WDPCP: variants seen among roughly 807,000 people sequenced by gnomAD.
WDPCP encodes the protein WD repeat containing planar cell polarity effector.
In WDPCP, 71 loss-of-function variants were observed where a neutral mutation model predicts 93.1. The ratio of observed to expected loss-of-function variants is 0.76; its 90% CI spans 0.63 to 0.93. The LOEUF is 0.93. Among genes scored for constraint, WDPCP ranks in the 40% least tolerant of loss-of-function variants. WDPCP has a pLI of 0.00. For missense variants in WDPCP, 844 were observed against 887.4 expected (o/e 0.95, Z 0.62); for synonymous variants, 315 against 315.0 (o/e 1.00, Z 0.00).
chr2:63,710,201 T>A (rs951147592), intron 2 of WDPCP, among the ~76,000 whole-genome samples: 4 of 152,192 alleles, frequency 2.6e-5, no homozygotes, highest in Non-Finnish European at 4.4e-5. Context: ...GGGGTGGCGA[T>A]GAGCAGCACT....
chr2:63,437,525 A>G lies in WDPCP; in HGVS notation c.529T>C (p.Ser177Pro). 6.3e-7 allele frequency: 1 copy of G among 1,596,176 alleles called. No homozygotes were observed. The highest frequency in any genetic ancestry group is 1.1e-5 in the South Asian group (1 of 87,450). ...CATAGTTTGTTTTGTGCCAAAAATG[A>G]TAAGATGATAAAACTGTCTGTGAGA... is the stretch of plus-strand genomic sequence containing the variant. ...ALLTDSFIIL[S>P]FLAQNKLCFI... is the part of the protein sequence containing the mutation. Residue 177 changes from serine to proline, a missense_variant, in exon 8 of 18, where the codon TCA becomes CCA. Coordinates refer to ENST00000272321, the MANE Select transcript of WDPCP (RefSeq NM_015910.7).
intron 3 of WDPCP, among the ~76,000 whole-genome samples, chr2:63,618,086 G>C (rs1709692627): frequency 6.6e-6 from 1 of 152,034 alleles, no homozygotes; most frequent in African/African-American, 2.4e-5. Context: ...CTAAATCCTT[G>C]AGGATTAAGA....
At chr2:63,237,368 T>C (rs1249629761) in intron 14 of WDPCP, among the ~76,000 whole-genome samples, 1 of 152,164 alleles carries the variant, frequency 6.6e-6, no homozygotes, top group Non-Finnish European at 1.5e-5. Flanking sequence ...GGAATGCTTA[T>C]ACACTGTTGG....
At chr2:63,582,001 A>G (rs940905465) in intron 1 of WDPCP, among the ~76,000 whole-genome samples, 3 of 152,070 alleles carry the variant, frequency 2.0e-5, no homozygotes, top group African/African-American at 7.2e-5. Context: ...TCTTAAAAAA[A>G]AAAAAAAAGA....
At chr2:63,535,880 AGAG>A (rs1704237657) in intron 1 of WDPCP, among the ~76,000 whole-genome samples, 2 of 152,256 alleles carry the variant, frequency 1.3e-5, no homozygotes, top group African/African-American at 4.8e-5. Flanking sequence ...ATTAAACTAA[AGAG>A]CTTCTGCACA....
At chr2:63,440,055 G>T in intron 6 of WDPCP, 184 bp from the exon 7 acceptor site, 1 of 578,134 alleles carries the variant, frequency 1.7e-6, no homozygotes. Flanking sequence ...GAGAAAGGTG[G>T]CTAAAGGATG....
intron 1 of WDPCP, among the ~76,000 whole-genome samples, chr2:63,580,152 T>C (rs931071459): frequency 3.9e-5 from 6 of 152,118 alleles, no homozygotes; most frequent in Admixed American, 6.5e-5. Flanking sequence ...TTGTTATATG[T>C]AGGAGCAGCA....
At chr2:63,344,755 G>A (rs1010815388) in intron 12 of WDPCP, among the ~76,000 whole-genome samples, 8 of 152,204 alleles carry the variant, frequency 5.3e-5, no homozygotes, top group Non-Finnish European at 7.4e-5. Flanking sequence ...TGAAAAAACC[G>A]AACCTCTGTA....
At chr2:63,300,094 C>T (rs918021448) in intron 13 of WDPCP, among the ~76,000 whole-genome samples, 27 of 152,190 alleles carry the variant, frequency 1.8e-4, no homozygotes, top group African/African-American at 5.1e-4. Context: ...ATAAATCAGA[C>T]ACCACCTCCT....
intron 13 of WDPCP, among the ~76,000 whole-genome samples, chr2:63,306,780 G>A (rs1685778007): frequency 6.6e-6 from 1 of 152,088 alleles, no homozygotes; most frequent in African/African-American, 2.4e-5. Flanking sequence ...CCCACAGCCA[G>A]TATCATACTG....
At chr2:63,259,738 G>A (rs544911494) in intron 13 of WDPCP, among the ~76,000 whole-genome samples, 7 of 152,304 alleles carry the variant, frequency 4.6e-5, no homozygotes, top group Non-Finnish European at 8.8e-5. Context: ...ATATCCAAGA[G>A]TGTGTCTTCA....
chr2:63,620,230 C>T (rs751437881), intron 3 of WDPCP, among the ~76,000 whole-genome samples: 27 of 152,142 alleles, frequency 1.8e-4, no homozygotes, highest in Admixed American at 5.9e-4. Context: ...TCTAGCTCAG[C>T]GGATCCCACC....
intron 3 of WDPCP, among the ~76,000 whole-genome samples, chr2:63,633,259 T>C (rs1709883371): frequency 6.6e-6 from 1 of 152,000 alleles, no homozygotes; most frequent in African/African-American, 2.4e-5. Flanking sequence ...AAGACACTAA[T>C]AGAAACATGA....
intron 2 of WDPCP, among the ~76,000 whole-genome samples, chr2:63,788,032 C>G (rs1035224787): frequency 2.0e-5 from 3 of 151,996 alleles, no homozygotes; most frequent in Non-Finnish European, 4.4e-5. Context: ...CAGAACAAGA[C>G]TCTGTCTCAA....
At chr2:63,801,820 G>A (rs1048654088) in intron 2 of WDPCP, among the ~76,000 whole-genome samples, 7 of 152,158 alleles carry the variant, frequency 4.6e-5, no homozygotes, top group Non-Finnish European at 1.0e-4. Flanking sequence ...TGACATGGTA[G>A]CTAGCTTCCC....
chr2:63,612,867 T>A (rs1271680912), intron 3 of WDPCP, among the ~76,000 whole-genome samples: 1 of 152,076 alleles, frequency 6.6e-6, no homozygotes. Flanking sequence ...CCTAGGCAGG[T>A]AGGGGAAAAA....
chr2:63,722,661 G>GC (rs1028962765), intron 2 of WDPCP, among the ~76,000 whole-genome samples: 1 of 139,198 alleles, frequency 7.2e-6, no homozygotes. Flanking sequence ...GGGAGGTGGG[G>GC]GGGGGTCAGC....
At chr2:63,547,286 A>G (rs1268035941) in intron 1 of WDPCP, among the ~76,000 whole-genome samples, 1 of 152,158 alleles carries the variant, frequency 6.6e-6, no homozygotes, top group Non-Finnish European at 1.5e-5. Context: ...AAAGGAGAGT[A>G]GGCTCAACTA....
intron 14 of WDPCP, among the ~76,000 whole-genome samples, chr2:63,246,212 T>G (rs1290830636): frequency 6.6e-6 from 1 of 152,146 alleles, no homozygotes; most frequent in East Asian, 1.9e-4. Flanking sequence ...CCTTGCTATT[T>G]TCCAGGAGTG....
Sources: allele counts gnomAD v4.1 joint callset (sites outside exome capture counted in the v4.1 genomes callset), GRCh38; gene constraint gnomAD v4.1.1; transcripts MANE v1.5; gene names NCBI Gene and HGNC (gene_info 2026-07-23, HGNC 2026-07-21).